Variants in CELF2 observed in about 807,000 individuals in gnomAD.
CELF2 encodes the protein CUGBP Elav-like family member 2.
A neutral mutation model predicts 62.6 loss-of-function variants in CELF2; 8 were observed. That is an observed-to-expected ratio of 0.13 (90% CI 0.07 to 0.23). The LOEUF (loss-of-function observed/expected upper bound fraction) is 0.23. Among genes scored for constraint, CELF2 ranks in the 10% least tolerant of loss-of-function variants. The pLI is 1.00. For missense variants in CELF2, 333 were observed against 671.0 expected, an observed-to-expected ratio of 0.50 and a Z score of 5.56; for synonymous variants, 258 against 250.0, an observed-to-expected ratio of 1.03 and a Z score of -0.30.
the CELF2 span, among the ~76,000 whole-genome samples, chr10:10,521,801 T>G: frequency 6.6e-6 from 1 of 152,234 alleles, no homozygotes; most frequent in Non-Finnish European, 1.5e-5. Context: ...CATCAATGTG[T>G]AACTCCAAGG....
chr10:11,155,711 C>T (rs680789), intron 1 of CELF2, among the ~76,000 whole-genome samples: 30,750 of 152,142 alleles, frequency 0.2, 4,168 homozygotes, highest in East Asian at 0.68. Context: ...AAACAACTAC[C>T]GTCATTAATA....
At chr10:11,249,081 T>C in intron 3 of CELF2, 72 bp from the exon 4 acceptor site, 1 of 1,209,392 alleles carries the variant, frequency 8.3e-7, no homozygotes, top group Admixed American at 1.7e-5. Context: ...AGTAATCGAA[T>C]TGCTGCAGAT....
intron 2 of CELF2, among the ~76,000 whole-genome samples, chr10:10,964,412 T>A (rs1446757453): frequency 6.6e-6 from 1 of 152,200 alleles, no homozygotes; most frequent in Non-Finnish European, 1.5e-5. Context: ...TAAGATGTCA[T>A]CTCGTGCCTT....
chr10:10,675,764 C>G, the CELF2 span, among the ~76,000 whole-genome samples: 1 of 152,148 alleles, frequency 6.6e-6, no homozygotes, highest in East Asian at 1.9e-4. Context: ...TAAAGGCATT[C>G]TTCCATTTCT....
rs560880269 is a variant in CELF2 at position 11,217,663 on chromosome 10, C to T, written c.354+156C>T. On this transcript the variant is annotated intron_variant, in intron 3 of 12. Transcript: ENST00000633077. This position sits in a 1 kb window ranked among gnomAD's most constrained non-coding sequence, Gnocchi z 5.6. ...CAGTTCCCTGCAGCAGCCACACCAG[C>T]TGGCCAGCCCATAAAGGAGCGCTGG... 6.6e-6 allele frequency among the ~76,000 whole-genome samples: 1 copy of T among 152,150 alleles called. No individual in the cohort carries two copies. The highest frequency in any genetic ancestry group is 1.5e-5 in the Non-Finnish European group (1 of 68,028).
the CELF2 span, among the ~76,000 whole-genome samples, chr10:10,787,670 C>A: frequency 6.6e-6 from 1 of 152,174 alleles, no homozygotes; most frequent in Non-Finnish European, 1.5e-5. Flanking sequence ...TTTGTCCCTA[C>A]GTAAAGTCAG....
chr10:10,721,251 T>C, the CELF2 span, among the ~76,000 whole-genome samples: 2 of 152,248 alleles, frequency 1.3e-5, no homozygotes, highest in African/African-American at 2.4e-5. Context: ...TGAAGTAGGC[T>C]GAGGTCAATC....
chr10:11,066,535 G>C (rs2068210884), intron 1 of CELF2, among the ~76,000 whole-genome samples: 1 of 152,166 alleles, frequency 6.6e-6, no homozygotes, highest in South Asian at 2.1e-4. Context: ...CTTAACCACA[G>C]TAGTGAAACA....
the CELF2 span, among the ~76,000 whole-genome samples, chr10:10,728,723 A>G: frequency 6.6e-6 from 1 of 152,212 alleles, no homozygotes; most frequent in Admixed American, 6.5e-5. Context: ...TGTCTCTGGT[A>G]TACAGTGGTA....
intron 2 of CELF2, chr10:10,925,308 C>T (rs2065357782): frequency 2.0e-5 from 3 of 152,220 alleles, no homozygotes; most frequent in Non-Finnish European, 2.9e-5. Context: ...GCAGCAGCTC[C>T]CCCAGCTCTC....
At chr10:10,573,046 T>C in the CELF2 span, among the ~76,000 whole-genome samples, 956 of 152,276 alleles carry the variant, frequency 6.3e-3, 10 homozygotes, top group African/African-American at 0.021. Flanking sequence ...TTTTTAATAA[T>C]TGCCATTCTG....
chr10:10,925,405 A>G (rs894438922), intron 2 of CELF2, among the ~76,000 whole-genome samples: 8 of 151,920 alleles, frequency 5.3e-5, no homozygotes, highest in Admixed American at 4.6e-4. Flanking sequence ...CACTAAGTAT[A>G]TGCCAAGCAT....
chr10:11,162,105 G>A (rs1051538768), intron 1 of CELF2, among the ~76,000 whole-genome samples: 1 of 152,208 alleles, frequency 6.6e-6, no homozygotes, highest in Non-Finnish European at 1.5e-5. Context: ...ATTCGGCAGT[G>A]CCAGGAGAGT....
intron 2 of CELF2, among the ~76,000 whole-genome samples, chr10:11,167,988 G>A (rs910448594): frequency 2.0e-5 from 3 of 152,184 alleles, no homozygotes; most frequent in South Asian, 2.1e-4. Context: ...ACCATTTTGC[G>A]TCTTCATGAG....
At chr10:10,548,870 C>G in the CELF2 span, among the ~76,000 whole-genome samples, 2 of 152,004 alleles carry the variant, frequency 1.3e-5, no homozygotes, top group African/African-American at 4.8e-5. Flanking sequence ...CTTGACCAAC[C>G]CCAATTAGAA....
At chr10:11,142,931 C>T (rs1003616824) in intron 1 of CELF2, among the ~76,000 whole-genome samples, 7 of 150,606 alleles carry the variant, frequency 4.6e-5, no homozygotes, top group African/African-American at 1.7e-4. Context: ...GTTACTCAGT[C>T]CCCTCGTGAT....
At chr10:11,199,016 CA>C (rs2058612609) in intron 2 of CELF2, among the ~76,000 whole-genome samples, 1 of 152,070 alleles carries the variant, frequency 6.6e-6, no homozygotes, top group African/African-American at 2.4e-5. Context: ...TTGTATAGAC[CA>C]AGAGTAGTTG....
chr10:10,691,872 A>T, the CELF2 span, among the ~76,000 whole-genome samples: 2 of 147,678 alleles, frequency 1.4e-5, no homozygotes. Flanking sequence ...TTTTCTTGTA[A>T]ATTTGTTTGA....
chr10:10,709,286 G>C, the CELF2 span, among the ~76,000 whole-genome samples: 1 of 152,196 alleles, frequency 6.6e-6, no homozygotes, highest in East Asian at 1.9e-4. Context: ...CATTCAGAAG[G>C]AATGGAGGCT....
Sources: gnomAD v4.1 joint callset for allele counts (sites outside exome capture counted in the v4.1 genomes callset) on GRCh38, gnomAD v4.1.1 for gene constraint, Gnocchi (gnomAD v3.1) non-coding constraint, MANE v1.5 for transcripts, NCBI Gene and HGNC (gene_info 2026-07-23, HGNC 2026-07-21) for gene names.